The following TMCC3 variants were observed in gnomAD, a reference collection of about 807,000 sequenced individuals.
TMCC3 encodes the protein transmembrane and coiled-coil domain family 3.
TMCC3 carries 28 observed loss-of-function variants against 40.2 expected under a neutral mutation model. The ratio of observed to expected loss-of-function variants is 0.70; its 90% confidence interval spans 0.52 to 0.95. TMCC3 has a LOEUF of 0.95. Ranked by LOEUF, TMCC3 falls within the 40% of genes least tolerant of loss-of-function variation. TMCC3 has a pLI of 0.00. For synonymous variants in TMCC3, 255 were observed against 248.5 expected, an observed-to-expected ratio of 1.03 and a Z score of -0.25; for missense variants, 554 against 615.2, an observed-to-expected ratio of 0.90 and a Z score of 1.05.
chr12:94,643,909 A>G (rs922599203), intron 1 of TMCC3, among the ~76,000 whole-genome samples: 1 of 152,228 alleles, frequency 6.6e-6, no homozygotes, highest in Non-Finnish European at 1.5e-5. Flanking sequence ...TCTTAGAGAA[A>G]CTAATAATCT....
In TMCC3 at chr12:94,619,580, A is replaced by AT. The variant is rs201010101; in HGVS notation, c.78+30772dup. ...CCAGGAATCCTTCTGAAAATAAAAG[A>AT]TTTATCCTACAAATTGGTGCAACCT... On this transcript the variant is annotated intron_variant, in intron 1 of 3. Transcript: ENST00000261226. Among the ~76,000 whole-genome samples, 1,390 of 152,346 alleles carry AT rather than the reference A, an allele frequency of 9.1e-3. 24 individuals are homozygous for AT. The highest frequency in any genetic ancestry group is 0.032 in the African/African-American group (1,317 of 41,578).
intron 1 of TMCC3, among the ~76,000 whole-genome samples, chr12:94,639,293 T>C (rs963669238): frequency 2.0e-5 from 3 of 152,180 alleles, no homozygotes; most frequent in Non-Finnish European, 2.9e-5. Flanking sequence ...ATTAAATCAA[T>C]TGATGAGGCC....
chr12:94,635,321 A>G lies in TMCC3; in HGVS notation c.78+15032T>C, dbSNP rs75604826. ...ACAAAGCAGAAGCAGTAGTCCTGTG[A>G]CCTGCAGAACACAAAGTTAGGCTGG... On this transcript the variant is annotated intron_variant, in intron 1 of 3. Coordinates refer to ENST00000261226, the MANE Select transcript of TMCC3 (RefSeq NM_020698.4). Among the ~76,000 whole-genome samples the G allele has an allele frequency of 3.5e-4, 53 of 152,312 alleles. No individual in the cohort carries two copies. The East Asian group carries it at 0.01, about 29-fold the overall frequency.
At chr12:94,592,661 C>CAAAAAAAAAAAGAAAAAAAAAAA (rs2068684950) in intron 1 of TMCC3, among the ~76,000 whole-genome samples, 1 of 27,496 alleles carries the variant, frequency 3.6e-5, no homozygotes, top group African/African-American at 1.4e-4. Flanking sequence ...GGCTCCATCT[C>CAAAAAAAAAAAGAAAAAAAAAAA]AAAAAAAAAA....
At chr12:94,639,336 C>T (rs1226527653) in intron 1 of TMCC3, among the ~76,000 whole-genome samples, 1 of 152,148 alleles carries the variant, frequency 6.6e-6, no homozygotes, top group Non-Finnish European at 1.5e-5. Context: ...AATCCCAGCA[C>T]TTTGGGAGGG....
chr12:94,573,825 A>C (rs2068547336), intron 3 of TMCC3, among the ~76,000 whole-genome samples: 2 of 124,562 alleles, frequency 1.6e-5, no homozygotes, highest in Admixed American at 7.5e-5. Flanking sequence ...CCCCCACTCC[A>C]TCCCTTCTTC....
At chr12:94,603,886 T>C (rs1000280381) in intron 1 of TMCC3, among the ~76,000 whole-genome samples, 16 of 149,332 alleles carry the variant, frequency 1.1e-4, no homozygotes, top group Non-Finnish European at 5.9e-5. Flanking sequence ...TGAATAAATG[T>C]TAACATACAG....
intron 1 of TMCC3, among the ~76,000 whole-genome samples, chr12:94,647,275 C>A (rs2069024872): frequency 6.6e-6 from 1 of 152,088 alleles, no homozygotes; most frequent in South Asian, 2.1e-4. Flanking sequence ...TACATTTTCA[C>A]TAAGGGGGGA....
chr12:94,649,455 G>A (rs1379787912), intron 1 of TMCC3, among the ~76,000 whole-genome samples: 10 of 152,350 alleles, frequency 6.6e-5, no homozygotes, highest in Non-Finnish European at 1.5e-5. Context: ...AGTTGGCGGA[G>A]CAAAGAACAA....
At chr12:94,606,960 T>C (rs1324952815) in intron 1 of TMCC3, among the ~76,000 whole-genome samples, 1 of 152,154 alleles carries the variant, frequency 6.6e-6, no homozygotes. Flanking sequence ...AATTTCCCAA[T>C]CCTAGTAAGC....
rs1273478916 is a variant in TMCC3 at position 94,569,506 on chromosome 12, T to C, written c.*1929A>G. The C allele has an allele frequency of 1.3e-5, 2 of 152,204 alleles. No homozygotes were observed. The highest frequency in any genetic ancestry group is 2.4e-5 in the African/African-American group (1 of 41,438). The allele number at this position is 152,204 out of a possible 1,614,324, so 9.4% of individuals were successfully genotyped here. On this transcript the variant is annotated 3_prime_UTR_variant, in exon 4 of 4. Coordinates refer to ENST00000261226, the MANE Select transcript of TMCC3 (RefSeq NM_020698.4). ...CAGGGTGGGACTGGTAAGGGAGCTC[T>C]TCTCTGAATCCAAAATACTTTATCA...
chr12:94,571,821 C>T, intron 3 of TMCC3, 84 bp from the exon 4 acceptor site: 1 of 1,462,258 alleles, frequency 6.8e-7, no homozygotes, highest in Middle Eastern at 2.5e-4. Context: ...TACACAAAAG[C>T]CCCAGCTCAG....
At chr12:94,576,359 T>A (rs1407010272) in intron 3 of TMCC3, among the ~76,000 whole-genome samples, 1 of 152,238 alleles carries the variant, frequency 6.6e-6, no homozygotes, top group African/African-American at 2.4e-5. Context: ...ACTATCTTTA[T>A]GTTTAATTTT....
chr12:94,640,221 G>T (rs928578654), intron 1 of TMCC3, among the ~76,000 whole-genome samples: 4 of 152,202 alleles, frequency 2.6e-5, no homozygotes, highest in Non-Finnish European at 5.9e-5. Context: ...AGGTTGGAGT[G>T]CACTGATGCA....
At chr12:94,613,300 C>CAATAATAAT (rs77049120) in intron 1 of TMCC3, among the ~76,000 whole-genome samples, 2 of 150,206 alleles carry the variant, frequency 1.3e-5, no homozygotes, top group Admixed American at 6.7e-5. Flanking sequence ...CTGTCTCTAC[C>CAATAATAAT]AATAATAATA....
chr12:94,627,907 G>C (rs959543991), intron 1 of TMCC3, among the ~76,000 whole-genome samples: 1 of 152,218 alleles, frequency 6.6e-6, no homozygotes, highest in Non-Finnish European at 1.5e-5. Context: ...AGGGATTTTT[G>C]TTTTGTTCCC....
chr12:94,639,355 GT>G (rs2068976745), intron 1 of TMCC3, among the ~76,000 whole-genome samples: 2 of 152,158 alleles, frequency 1.3e-5, no homozygotes, highest in South Asian at 4.1e-4. Flanking sequence ...GGTGAGGCAG[GT>G]GGATCACTTG....
chr12:94,600,786 C>T (rs1234212780), intron 1 of TMCC3, among the ~76,000 whole-genome samples: 1 of 152,188 alleles, frequency 6.6e-6, no homozygotes, highest in Non-Finnish European at 1.5e-5. Context: ...CATTTTGGCT[C>T]TTATATATAC....
intron 3 of TMCC3, among the ~76,000 whole-genome samples, chr12:94,578,024 C>T (rs1365759851): frequency 6.6e-6 from 1 of 151,188 alleles, no homozygotes; most frequent in African/African-American, 2.4e-5. Flanking sequence ...TGGCATGTGC[C>T]TATAGCCCCA....
Sources: allele counts gnomAD v4.1 joint callset (sites outside exome capture counted in the v4.1 genomes callset), GRCh38; gene constraint gnomAD v4.1.1; transcripts MANE v1.5; gene names NCBI Gene and HGNC (gene_info 2026-07-23, HGNC 2026-07-21).